The following TMC3 variants were observed in gnomAD, a reference collection of about 807,000 sequenced individuals.
TMC3 encodes transmembrane channel-like protein 3.
A neutral mutation model predicts 110.6 loss-of-function variants in TMC3; 98 were observed. The observed-to-expected ratio is 0.89, with a 90% CI of 0.75 to 1.05. The LOEUF is 1.05. TMC3 is among the 50% of genes least tolerant of loss of function. The probability of loss-of-function intolerance (pLI) is 0.00; values close to 1 mark genes in which losing one functional copy is unlikely to be tolerated. For synonymous variants in TMC3, 489 were observed against 513.1 expected, an observed-to-expected ratio of 0.95 and a Z score of 0.63; for missense variants, 1,319 against 1,373.2, an observed-to-expected ratio of 0.96 and a Z score of 0.62.
At chr15:81,358,842 G>A (rs1894123767) in intron 5 of TMC3, among the ~76,000 whole-genome samples, 3 of 152,250 alleles carry the variant, frequency 2.0e-5, no homozygotes, top group Admixed American at 2.0e-4. Flanking sequence ...GGGCACGAGT[G>A]CGGTTTTGTT....
chr15:81,358,206 G>A lies in TMC3; in HGVS notation c.686C>T (p.Ala229Val), dbSNP rs1032776403. 1.2e-5 allele frequency: 20 copies of A among 1,612,996 alleles called. No individual in the cohort carries two copies. Among genetic ancestry groups the A allele is most frequent in the African/African-American group, 5.3e-5 (4 of 74,888 alleles). Residue 229 changes from alanine (A) to valine (V), a missense_variant, in exon 7 of 22, where the codon GCG becomes GTG. Physicochemically the swap from Ala to Val is moderately conservative, Grantham distance 64. Transcript: ENST00000359440. ...CACTGCCATCCCCACTAGGAAATAC[G>A]CCAAGGGCAGCCGGTAGCCAGCTCT... Reference protein sequence around the residue: ...IGRAGYRLPLAYFLVGMAVFA... With the variant: ...IGRAGYRLPLVYFLVGMAVFA...
intron 7 of TMC3, 85 bp from the exon 8 acceptor site, chr15:81,356,679 A>G: frequency 6.9e-7 from 1 of 1,441,016 alleles, no homozygotes; most frequent in Admixed American, 2.1e-5. Context: ...TGTGTGAATT[A>G]GCATAGGCTG....
At chr15:81,370,371 A>G (rs1431138250) in intron 2 of TMC3, among the ~76,000 whole-genome samples, 1 of 152,132 alleles carries the variant, frequency 6.6e-6, no homozygotes, top group Non-Finnish European at 1.5e-5. Flanking sequence ...GGTGATGGAG[A>G]GGAGATATGC....
At chr15:81,341,690 A>T in intron 15 of TMC3, 172 bp from the exon 16 acceptor site, 2 of 526,788 alleles carry the variant, frequency 3.8e-6, no homozygotes, top group Non-Finnish European at 6.5e-6. Context: ...CCTTCTAAAG[A>T]TAAGACAAGT....
chr15:81,355,859 C>A lies in TMC3; in HGVS notation c.892-91G>T, dbSNP rs1596089325. Reference sequence around the variant, plus strand: ...AATTTACCCAGTAATTTAGCTCATACCTTCATTGTCTAAGACTTTATTCTG... The same window carrying A: ...AATTTACCCAGTAATTTAGCTCATAACTTCATTGTCTAAGACTTTATTCTG... On this transcript the variant is annotated intron_variant, in intron 8 of 21. Transcript: ENST00000359440. 8.8e-6 allele frequency: 7 copies of A among 794,124 alleles called. No homozygotes were observed. In the East Asian group the frequency reaches 1.3e-4, roughly 15 times the overall value. The allele number at this position is 794,124 out of a possible 1,614,324, so 49.2% of individuals were successfully genotyped here. A position where few individuals can be genotyped will look rare whatever the true frequency, so the allele number is the denominator to read the frequency against.
intron 19 of TMC3, 94 bp from the exon 20 acceptor site, chr15:81,336,745 A>G (rs777801706): frequency 7.7e-7 from 1 of 1,297,850 alleles, no homozygotes; most frequent in Non-Finnish European, 1.1e-6. Flanking sequence ...TTTACATGCC[A>G]TAGTTCTTAC....
rs35807579 is a variant in TMC3, at chr15:81,351,348, C to CTTTT, written c.1083+342_1083+345dup. Among the ~76,000 whole-genome samples the CTTTT allele has an allele frequency of 4.6e-4, 47 of 101,296 alleles. 1 individual carries two copies. Among genetic ancestry groups the CTTTT allele is most frequent in the African/African-American group, 5.9e-4 (10 of 16,964 alleles). The allele number at this position is 101,296 out of a possible 152,430, so 66.5% of individuals were successfully genotyped here. On this transcript the variant is annotated intron_variant, in intron 10 of 21. Coordinates refer to ENST00000359440, the MANE Select transcript of TMC3 (RefSeq NM_001080532.3). ...TACTTTTCTGTGTCTCTCTCTCTCT[C>CTTTT]TTTTTTTTTTTTTTTTTTTTTTGAG... is the stretch of plus-strand genomic sequence containing the variant.
At chr15:81,344,146 A>T in intron 13 of TMC3, 101 bp from the exon 14 acceptor site, 1 of 1,301,432 alleles carries the variant, frequency 7.7e-7, no homozygotes, top group Non-Finnish European at 1.0e-6. Flanking sequence ...TGTGGGCCCC[A>T]GCCAGTGGGC....
chr15:81,345,739 G>A (rs190534940), intron 12 of TMC3, among the ~76,000 whole-genome samples: 8 of 152,218 alleles, frequency 5.3e-5, no homozygotes, highest in African/African-American at 9.6e-5. Context: ...CAGATGCAGC[G>A]GTGGCACGCA....
At chr15:81,353,319 T>G (rs982698431) in intron 9 of TMC3, among the ~76,000 whole-genome samples, 3 of 152,212 alleles carry the variant, frequency 2.0e-5, no homozygotes, top group African/African-American at 4.8e-5. Context: ...TAATTTATTA[T>G]TAAAGAAACT....
In TMC3 at chr15:81,334,777, G is replaced by A; in HGVS notation, c.2402C>T (p.Ala801Val). ...MPQSPRPGDR[A>V]PSSPLPGVPK... Reference sequence around the variant, plus strand: ...GACCCCAGGGAGAGGTGAGCTAGGAGCCCTGTCCCCTGGCCTCGGGCTCTG... The same window carrying A: ...GACCCCAGGGAGAGGTGAGCTAGGAACCCTGTCCCCTGGCCTCGGGCTCTG... Residue 801 changes from alanine to valine, a missense_variant, in exon 21 of 22, where the codon GCT (alanine) becomes GTT (valine). Ala to Val is a moderately conservative substitution (Grantham distance 64). Transcript: ENST00000359440. The A allele has an allele frequency of 6.2e-7, 1 of 1,614,032 alleles. No homozygotes were observed.
Position 81,337,748 on chromosome 15 carries a change from A to G in TMC3, c.2160+98T>C, listed in dbSNP as rs1396443096. ...TAGTGGGTGGCCAAGAGTCACAGAAACCTTGAAGATGTGACTTCACTTGTA... is the reference window on the plus strand; with the variant it reads ...TAGTGGGTGGCCAAGAGTCACAGAAGCCTTGAAGATGTGACTTCACTTGTA... On this transcript the variant is annotated intron_variant, in intron 19 of 21. Coordinates refer to ENST00000359440, the MANE Select transcript of TMC3 (RefSeq NM_001080532.3). 3 of 1,041,920 alleles carry G rather than the reference A, an allele frequency of 2.9e-6. No homozygotes were observed. In the African/African-American group the frequency reaches 4.7e-5, roughly 16 times the overall value. The allele number at this position is 1,041,920 out of a possible 1,614,324, so 64.5% of individuals were successfully genotyped here. A position where few individuals can be genotyped will look rare whatever the true frequency, so the allele number is the denominator to read the frequency against.
intron 10 of TMC3, among the ~76,000 whole-genome samples, chr15:81,350,303 C>A (rs1893919760): frequency 6.6e-6 from 1 of 152,168 alleles, no homozygotes; most frequent in African/African-American, 2.4e-5. Context: ...AGTATTTATA[C>A]TTCCCTGACC....
At position 81,372,211 on chromosome 15, in the gene TMC3, C is replaced by T. The variant is rs573495539; in HGVS notation, c.236+380G>A. ...GGCTTACTGCTCTGTTTCTAGTGAG[C>T]GAGACGAGCTTGGAGAGAATATTAA... On this transcript the variant is annotated intron_variant, in intron 2 of 21. Coordinates refer to ENST00000359440, the MANE Select transcript of TMC3 (RefSeq NM_001080532.3). Among the ~76,000 whole-genome samples, 264 of 151,566 alleles carry T rather than the reference C, an allele frequency of 1.7e-3. 1 individual carries two copies. The highest frequency in any genetic ancestry group is 6.1e-3 in the African/African-American group (250 of 41,282).
chr15:81,374,192 G>T lies in TMC3; in HGVS notation c.-115C>A. 1.2e-6 allele frequency: 1 copy of T among 816,138 alleles called. No individual in the cohort carries two copies. The highest frequency in any genetic ancestry group is 2.0e-6 in the Non-Finnish European group (1 of 491,988). The allele number at this position is 816,138 out of a possible 1,614,324, so 50.6% of individuals were successfully genotyped here. On this transcript the variant is annotated 5_prime_UTR_variant, in exon 1 of 22. Transcript: ENST00000359440. The stretch of plus-strand genomic sequence containing the variant: ...GCAGCGGAGTTTGCTCTGCCCGCTA[G>T]TTCTCAGGAAGAAGACTGTGTGCTT...
chr15:81,332,273 T>C lies in TMC3; in HGVS notation c.*146A>G. The C allele has an allele frequency of 8.2e-7, 1 of 1,219,086 alleles. No homozygotes were observed. The highest frequency in any genetic ancestry group is 1.1e-6 in the Non-Finnish European group (1 of 902,038). The allele number at this position is 1,219,086 out of a possible 1,614,324, so 75.5% of individuals were successfully genotyped here. ...ATAGGTATCTGTAGCCCTGTCAGCC[T>C]CAGGGCCTCAGCTAGCAGCCGCTGA... On this transcript the variant is annotated 3_prime_UTR_variant, in exon 22 of 22. Transcript: ENST00000359440.
In TMC3 at chr15:81,338,721, C is replaced by G; in HGVS notation, c.2015G>C (p.Trp672Ser). The stretch of plus-strand genomic sequence containing the variant: ...GATGTGTCCAACCACGGAGCCAAAC[C>G]ACACAGGAAAGTCTTTCTCAATCGT... The part of the protein sequence containing the change: ...SETIEKDFPV[W>S]FGSVVGHISS... Residue 672 changes from tryptophan (W) to serine (S), a missense_variant, in exon 18 of 22, where the codon TGG (tryptophan) becomes TCG (serine). Coordinates refer to ENST00000359440, the MANE Select transcript of TMC3 (RefSeq NM_001080532.3). 1 of 1,613,976 alleles carries G rather than the reference C, an allele frequency of 6.2e-7. No homozygotes were observed. The highest frequency in any genetic ancestry group is 8.5e-7 in the Non-Finnish European group (1 of 1,179,870).
At position 81,341,386 on chromosome 15, in the gene TMC3, T is replaced by C; in HGVS notation, c.1844+4A>G. ...CTGCATGATCAGATCTTATTCTTACTCACCTTGAGGCTCGAAATACTTGCT... is the reference window on the plus strand; with the variant it reads ...CTGCATGATCAGATCTTATTCTTACCCACCTTGAGGCTCGAAATACTTGCT... On this transcript the variant is annotated splice_donor_region_variant and intron_variant, in intron 16 of 21. Transcript: ENST00000359440. 1 of 1,608,350 alleles carries C rather than the reference T, an allele frequency of 6.2e-7. No homozygotes were observed. Among genetic ancestry groups the C allele is most frequent in the Non-Finnish European group, 8.5e-7 (1 of 1,177,052 alleles).
rs561469925 is a variant in TMC3, at chr15:81,360,609, T to TCAGGGAAGGTCGGGGGAAAGAGC, written c.395-1161_395-1139dup. On this transcript the variant is annotated intron_variant, in intron 4 of 21. Coordinates refer to ENST00000359440, the MANE Select transcript of TMC3 (RefSeq NM_001080532.3). Reference sequence around the variant, plus strand: ...TCTCCGTAGAGAAGTTGTGAAGGAGTCAGGGAAGGTCGGGGGAAAGAGCCA... The same window carrying TCAGGGAAGGTCGGGGGAAAGAGC: ...TCTCCGTAGAGAAGTTGTGAAGGAGTCAGGGAAGGTCGGGGGAAAGAGCCAGGGAAGGTCGGGGGAAAGAGCCA... 8.4e-3 allele frequency among the ~76,000 whole-genome samples: 1,283 copies of TCAGGGAAGGTCGGGGGAAAGAGC among 151,996 alleles called. 8 individuals are homozygous for TCAGGGAAGGTCGGGGGAAAGAGC. Among genetic ancestry groups the TCAGGGAAGGTCGGGGGAAAGAGC allele is most frequent in the Non-Finnish European group, 0.013 (910 of 67,936 alleles).
Sources: allele counts gnomAD v4.1 joint callset (sites outside exome capture counted in the v4.1 genomes callset), GRCh38; gene constraint gnomAD v4.1.1; transcripts MANE v1.5; gene names NCBI Gene and HGNC (gene_info 2026-07-23, HGNC 2026-07-21).